Variants in PCDHGC3 observed in about 807,000 individuals in gnomAD.
PCDHGC3 encodes the protein protocadherin gamma subfamily C, 3.
PCDHGC3 carries 26 observed loss-of-function variants against 59.2 expected under a neutral mutation model. The observed-to-expected ratio is 0.44, with a 90% CI of 0.32 to 0.61. The LOEUF is 0.61. Among genes scored for constraint, PCDHGC3 ranks in the 20% least tolerant of loss-of-function variants. The probability of loss-of-function intolerance (pLI) is 0.05; values close to 1 mark genes in which losing one functional copy is unlikely to be tolerated. For synonymous variants in PCDHGC3, 487 were observed against 519.7 expected, an observed-to-expected ratio of 0.94 and a Z score of 0.86; for missense variants, 1,080 against 1,221.8, an observed-to-expected ratio of 0.88 and a Z score of 1.73.
chr5:141,511,632 G>A lies in PCDHGC3; in HGVS notation c.*459G>A, dbSNP rs1388627906. The A allele has an allele frequency of 8.6e-6, 2 of 231,934 alleles. No homozygotes were observed. The highest frequency in any genetic ancestry group is 5.1e-5 in the Admixed American group (1 of 19,634). 14.4% of individuals were successfully genotyped at this position (231,934 alleles called of 1,614,324 possible). A position where few individuals can be genotyped will look rare whatever the true frequency, so the allele number is the denominator to read the frequency against. On this transcript the variant is annotated 3_prime_UTR_variant, in exon 4 of 4. Transcript: ENST00000308177. ...CCTCCTAGTTCTGAAAAGTTGGAAG[G>A]GCATCATGACCTCTTGGCCTCTCCT...
Position 141,511,231 on chromosome 5 carries a change from C to T in PCDHGC3, c.*58C>T. On this transcript the variant is annotated 3_prime_UTR_variant, in exon 4 of 4. Coordinates refer to ENST00000308177, the MANE Select transcript of PCDHGC3 (RefSeq NM_002588.4). ...CTCTCCCCAACCAGCCCAGCTTCTC[C>T]TTACCTGCACCCAGGCCTCAGAGTT... 2 of 1,595,900 alleles carry T rather than the reference C, an allele frequency of 1.3e-6. No individual in the cohort carries two copies. The highest frequency in any genetic ancestry group is 2.2e-5 in the South Asian group (2 of 88,992).
chr5:141,502,866 CTTTT>C (rs549047197), intron 2 of PCDHGC3, among the ~76,000 whole-genome samples: 1 of 128,042 alleles, frequency 7.8e-6, no homozygotes. Context: ...GACTCTCTGT[CTTTT>C]TTTTTTTTTT....
chr5:141,492,077 C>G (rs917149790), intron 1 of PCDHGC3: 1 of 483,342 alleles, frequency 2.1e-6, no homozygotes, highest in African/African-American at 2.0e-5. Context: ...GGCGCCGGCT[C>G]CGGCACGCTT....
chr5:141,501,300 C>T (rs867143352), intron 2 of PCDHGC3, among the ~76,000 whole-genome samples: 2,626 of 150,646 alleles, frequency 0.017, 74 homozygotes, highest in African/African-American at 0.06. Context: ...TACACACACA[C>T]ACACACACAC....
rs539878473 is a variant in PCDHGC3 at position 141,501,595 on chromosome 5, C to T, written c.2490-3798C>T. Reference sequence around the variant, plus strand: ...GCTGGCTTTCAGGTTGCAACTCTACCAGTTCCAGCTGTGTGACTCTGGTAT... The same window carrying T: ...GCTGGCTTTCAGGTTGCAACTCTACTAGTTCCAGCTGTGTGACTCTGGTAT... On this transcript the variant is annotated intron_variant, in intron 2 of 3. Coordinates refer to ENST00000308177, the MANE Select transcript of PCDHGC3 (RefSeq NM_002588.4). Among the ~76,000 whole-genome samples the T allele has an allele frequency of 9.9e-5, 15 of 152,164 alleles. No homozygotes were observed. In the East Asian group the frequency reaches 2.9e-3, roughly 30 times the overall value.
rs774505854 is a variant in PCDHGC3 at position 141,490,507 on chromosome 5, G to A, written c.2431-4300G>A. The A allele has an allele frequency of 5.6e-6, 9 of 1,613,898 alleles. No individual in the cohort carries two copies. The highest frequency in any genetic ancestry group is 4.0e-5 in the African/African-American group (3 of 74,868). ...GGAGGCCACATCCCACTATATCATC[G>A]AGCTGCTGGCCAGCGATGCTGGTTC... On this transcript the variant is annotated intron_variant, in intron 1 of 3. Transcript: ENST00000308177. This position sits in a 1 kb window ranked among gnomAD's most constrained non-coding sequence, Gnocchi z 5.4.
At chr5:141,484,621 T>C (rs2099598239) in intron 1 of PCDHGC3, among the ~76,000 whole-genome samples, 1 of 152,058 alleles carries the variant, frequency 6.6e-6, no homozygotes, top group Admixed American at 6.6e-5. Flanking sequence ...CAACACTGGC[T>C]TGAACAAAGT....
chr5:141,487,392 G>A lies in PCDHGC3; in HGVS notation c.2431-7415G>A, dbSNP rs773126086. 2 of 1,614,176 alleles carry A rather than the reference G, an allele frequency of 1.2e-6. No individual in the cohort carries two copies. Among genetic ancestry groups the A allele is most frequent in the Non-Finnish European group, 1.7e-6 (2 of 1,180,024 alleles). On this transcript the variant is annotated intron_variant, in intron 1 of 3. Transcript: ENST00000308177. This position sits in a 1 kb window ranked among gnomAD's most constrained non-coding sequence, Gnocchi z 5.0. ...GCCTGTCTCACCAGATCTCGAAGGA[G>A]GGAGGGGCTTCCCCCTTCCAATGGG...
In PCDHGC3 at chr5:141,487,562, G is replaced by A. The variant is rs140619162; in HGVS notation, c.2431-7245G>A. The A allele has an allele frequency of 7.7e-5, 125 of 1,614,060 alleles. 1 individual carries two copies. The highest frequency in any genetic ancestry group is 5.7e-4 in the Admixed American group (34 of 60,006). On this transcript the variant is annotated intron_variant, in intron 1 of 3. Transcript: ENST00000308177. The surrounding 1 kb of genome is among the most constrained non-coding windows in gnomAD (Gnocchi z 5.0). ...GAAGTCACCCAGTGCACCTATGGCA[G>A]GGGAGCCTGTTCGCCCAAGCTGCCC...
chr5:141,505,405 C>T lies in PCDHGC3; in HGVS notation c.2502C>T (p.Gly834=), dbSNP rs745516568. 2.5e-6 allele frequency: 4 copies of T among 1,614,130 alleles called. No individual in the cohort carries two copies. The highest frequency in any genetic ancestry group is 3.3e-4 in the Middle Eastern group (2 of 6,062). ...QRPGTSGSQN[G]DDTGTWPNNQ... ...ACTCTCTCCCCAGCTCCCAAAATGG[C>T]GATGACACCGGCACCTGGCCCAACA... Residue 834 remains glycine (G), a synonymous_variant, in exon 3 of 4, where the codon GGC becomes GGT. Transcript: ENST00000308177.
chr5:141,481,167 A>C (rs77180710), intron 1 of PCDHGC3, among the ~76,000 whole-genome samples: 2,577 of 152,328 alleles, frequency 0.017, 78 homozygotes, highest in African/African-American at 0.059. Flanking sequence ...GCAGAACCAG[A>C]ATCCAGCTTT....
At chr5:141,506,247 G>A (rs113270457) in intron 3 of PCDHGC3, among the ~76,000 whole-genome samples, 8,033 of 152,078 alleles carry the variant, frequency 0.053, 470 homozygotes, top group African/African-American at 0.14. Flanking sequence ...TCAGGAGTTC[G>A]AAACCGGCCT....
Position 141,485,684 on chromosome 5 carries a change from A to T in PCDHGC3, c.2430+7138A>T, listed in dbSNP as rs746176226. On this transcript the variant is annotated intron_variant, in intron 1 of 3. Transcript: ENST00000308177. The surrounding 1 kb of genome is among the most constrained non-coding windows in gnomAD (Gnocchi z 5.7). ...GGGGAGCAATTCGATTAGCAGCTAT[A>T]GGCTGAGCTCCAATGAACACTTTGC... 1 of 1,614,056 alleles carries T rather than the reference A, an allele frequency of 6.2e-7. No homozygotes were observed. The highest frequency in any genetic ancestry group is 1.1e-5 in the South Asian group (1 of 91,082).
rs1309124846 is a variant in PCDHGC3, at chr5:141,491,295, T to C, written c.2431-3512T>C. On this transcript the variant is annotated intron_variant, in intron 1 of 3. Coordinates refer to ENST00000308177, the MANE Select transcript of PCDHGC3 (RefSeq NM_002588.4). This position sits in a 1 kb window ranked among gnomAD's most constrained non-coding sequence, Gnocchi z 6.9. ...CCAGTGACTTCCTCATACACCCTCC[T>C]GAGCGTTCAGACCTTACCCTTTACC... The C allele has an allele frequency of 6.2e-7, 1 of 1,614,176 alleles. No homozygotes were observed. Among genetic ancestry groups the C allele is most frequent in the Non-Finnish European group, 8.5e-7 (1 of 1,179,994 alleles).
chr5:141,492,026 G>A, intron 1 of PCDHGC3: 1 of 567,198 alleles, frequency 1.8e-6, no homozygotes, highest in South Asian at 2.9e-5. Flanking sequence ...GGGGTCCCGG[G>A]AGGAGGCAGT....
chr5:141,489,428 G>A lies in PCDHGC3; in HGVS notation c.2431-5379G>A, dbSNP rs561792279. The A allele has an allele frequency of 2.5e-5, 40 of 1,614,112 alleles. No homozygotes were observed. In the Middle Eastern group the frequency reaches 4.9e-4, roughly 20 times the overall value. ...AAGATGACAGATCTGTTGAGCCGGC[G>A]GCTGCAATTGGGCTCTGAGGAGAAT... On this transcript the variant is annotated intron_variant, in intron 1 of 3. Transcript: ENST00000308177. This position sits in a 1 kb window ranked among gnomAD's most constrained non-coding sequence, Gnocchi z 4.5.
At position 141,491,196 on chromosome 5, in the gene PCDHGC3, T is replaced by C. The variant is rs899789155; in HGVS notation, c.2431-3611T>C. ...TGGTGGTCCTGGTGAGGGACAATGGTGACCCTTCACTCTCCTCCACAGCCA... is the reference window on the plus strand; with the variant it reads ...TGGTGGTCCTGGTGAGGGACAATGGCGACCCTTCACTCTCCTCCACAGCCA... On this transcript the variant is annotated intron_variant, in intron 1 of 3. Transcript: ENST00000308177. The surrounding 1 kb of genome is among the most constrained non-coding windows in gnomAD (Gnocchi z 6.9). The C allele has an allele frequency of 6.8e-6, 11 of 1,614,186 alleles. No homozygotes were observed. The highest frequency in any genetic ancestry group is 9.3e-6 in the Non-Finnish European group (11 of 1,180,030).
rs866710706 is a variant in PCDHGC3, at chr5:141,485,167, G to A, written c.2430+6621G>A. On this transcript the variant is annotated intron_variant, in intron 1 of 3. Transcript: ENST00000308177. The surrounding 1 kb of genome is among the most constrained non-coding windows in gnomAD (Gnocchi z 5.7). ...AGGAGCAAGTAGAGAATTAGCGGGC[G>A]GCAGCAATGCTCCGCAAGGTGAGAA... The A allele has an allele frequency of 6.2e-7, 1 of 1,608,386 alleles. No homozygotes were observed.
In PCDHGC3 at chr5:141,486,476, C is replaced by G. The variant is rs765887978; in HGVS notation, c.2430+7930C>G. The G allele has an allele frequency of 5.0e-6, 8 of 1,613,934 alleles. No homozygotes were observed. In the South Asian group the frequency reaches 7.7e-5, roughly 16 times the overall value. ...TGCTTCTGATGCTGGGAACCCTCCTCTCAGTACCCACAGAACTATTTTCCT... is the reference window on the plus strand; with the variant it reads ...TGCTTCTGATGCTGGGAACCCTCCTGTCAGTACCCACAGAACTATTTTCCT... On this transcript the variant is annotated intron_variant, in intron 1 of 3. Coordinates refer to ENST00000308177, the MANE Select transcript of PCDHGC3 (RefSeq NM_002588.4). The surrounding 1 kb of genome is among the most constrained non-coding windows in gnomAD (Gnocchi z 5.0).
Sources: gnomAD v4.1 joint callset for allele counts (sites outside exome capture counted in the v4.1 genomes callset) on GRCh38, gnomAD v4.1.1 for gene constraint, Gnocchi (gnomAD v3.1) non-coding constraint, MANE v1.5 for transcripts, NCBI Gene and HGNC (gene_info 2026-07-23, HGNC 2026-07-21) for gene names.